The following SIGLEC11 variants were observed in gnomAD, a reference collection of about 807,000 sequenced individuals.
SIGLEC11 encodes sialic acid-binding Ig-like lectin 11.
Under a neutral mutation model 61.2 loss-of-function variants are expected in SIGLEC11, and 47 were observed. The ratio of observed to expected loss-of-function variants is 0.77; its 90% CI spans 0.61 to 0.98. The LOEUF is 0.98. Ranked by LOEUF, SIGLEC11 falls within the 50% of genes least tolerant of loss-of-function variation. The probability of loss-of-function intolerance (pLI) is 0.00; values close to 1 mark genes in which losing one functional copy is unlikely to be tolerated. For missense variants in SIGLEC11, 610 were observed against 870.3 expected (o/e 0.70, Z 3.76); for synonymous variants, 278 against 373.1 (o/e 0.75, Z 2.94).
At chr19:49,958,976 C>T (rs2076221204) in intron 6 of SIGLEC11, 54 bp downstream of exon 6, 7 of 1,613,486 alleles carry the variant, frequency 4.3e-6, no homozygotes, top group Non-Finnish European at 5.9e-6. Context: ...CTCCAGACTC[C>T]TGGGCCCCCA....
Position 49,949,230 on chromosome 19 carries a change from C to T in SIGLEC11, c.*740G>A, listed in dbSNP as rs982097692. 58 of 152,110 alleles carry T rather than the reference C, an allele frequency of 3.8e-4. No homozygotes were observed. The highest frequency in any genetic ancestry group is 1.4e-3 in the African/African-American group (56 of 41,442). The allele number at this position is 152,110 out of a possible 1,614,324, so 9.4% of individuals were successfully genotyped here. On this transcript the variant is annotated 3_prime_UTR_variant, in exon 11 of 11. Transcript: ENST00000447370. Reference sequence around the variant, plus strand: ...TCTTGAACTCCTGACTTGTGATCCACCCACTTCAGCCTCCCAAAGTGTTGA... The same window carrying T: ...TCTTGAACTCCTGACTTGTGATCCATCCACTTCAGCCTCCCAAAGTGTTGA...
At position 49,951,699 on chromosome 19, in the gene SIGLEC11, C is replaced by T. The variant is rs980357488; in HGVS notation, c.1830+192G>A. Among the ~76,000 whole-genome samples, 1 of 152,038 alleles carries T rather than the reference C, an allele frequency of 6.6e-6. No homozygotes were observed. Among genetic ancestry groups the T allele is most frequent in the Non-Finnish European group, 1.5e-5 (1 of 67,994 alleles). On this transcript the variant is annotated intron_variant, in intron 10 of 10. Coordinates refer to ENST00000447370, the MANE Select transcript of SIGLEC11 (RefSeq NM_052884.3). The surrounding 1 kb of genome is among the most constrained non-coding windows in gnomAD (Gnocchi z 4.6). ...GGACAGGCCTGGGGGGCCCTTGGTT[C>T]TGGGAGGGGATGTAGGGAGCAGTGG... is the stretch of plus-strand genomic sequence containing the variant.
At chr19:49,953,456 C>T (rs959011395) in intron 8 of SIGLEC11, among the ~76,000 whole-genome samples, 1 of 151,954 alleles carries the variant, frequency 6.6e-6, no homozygotes, top group Non-Finnish European at 1.5e-5. Flanking sequence ...TTTGCTAAGT[C>T]GATTAGGAAA....
At position 49,951,619 on chromosome 19, in the gene SIGLEC11, G is replaced by A. The variant is rs576519123; in HGVS notation, c.1830+272C>T. ...GGGCAAAGGAGTCGGGGATGCAGGA[G>A]GAAATGAGGAGTGGGAGGTGGAGGG... On this transcript the variant is annotated intron_variant, in intron 10 of 10. Transcript: ENST00000447370. The surrounding 1 kb of genome is among the most constrained non-coding windows in gnomAD (Gnocchi z 4.6). 2.0e-5 allele frequency among the ~76,000 whole-genome samples: 3 copies of A among 152,264 alleles called. No homozygotes were observed. The East Asian group carries it at 5.8e-4, about 29-fold the overall frequency.
chr19:49,952,061 G>A, intron 9 of SIGLEC11, 89 bp from the exon 10 acceptor site: 1 of 1,346,402 alleles, frequency 7.4e-7, no homozygotes, highest in Non-Finnish European at 1.0e-6. Flanking sequence ...AGGCTGGAAG[G>A]CTGCAGAGCC....
rs1019303449 is a variant in SIGLEC11, at chr19:49,955,499, G to A, written c.1651+2784C>T. Among the ~76,000 whole-genome samples the A allele has an allele frequency of 6.6e-6, 1 of 152,204 alleles. No homozygotes were observed. Among genetic ancestry groups the A allele is most frequent in the Non-Finnish European group, 1.5e-5 (1 of 68,042 alleles). On this transcript the variant is annotated intron_variant, in intron 8 of 10. Coordinates refer to ENST00000447370, the MANE Select transcript of SIGLEC11 (RefSeq NM_052884.3). This position sits in a 1 kb window ranked among gnomAD's most constrained non-coding sequence, Gnocchi z 4.5. ...AAACAGTAAAGATAGATGGCAGTGC[G>A]TGCGTGCACAGGGGCGGGGCCCACG...
In SIGLEC11 at chr19:49,951,677, C is replaced by T. The variant is rs556065467; in HGVS notation, c.1830+214G>A. On this transcript the variant is annotated intron_variant, in intron 10 of 10. Transcript: ENST00000447370. This position sits in a 1 kb window ranked among gnomAD's most constrained non-coding sequence, Gnocchi z 4.6. ...GATCTGAGCACAGGCAGAGTATGGA[C>T]AGGCCTGGGGGGCCCTTGGTTCTGG... 7.2e-4 allele frequency among the ~76,000 whole-genome samples: 110 copies of T among 152,222 alleles called. No homozygotes were observed. Among genetic ancestry groups the T allele is most frequent in the African/African-American group, 2.6e-3 (106 of 41,536 alleles).
At position 49,958,352 on chromosome 19, in the gene SIGLEC11, G is replaced by C. The variant is rs1263290424; in HGVS notation, c.1582C>G (p.Leu528Val). 1 of 1,614,234 alleles carries C rather than the reference G, an allele frequency of 6.2e-7. No individual in the cohort carries two copies. Among genetic ancestry groups the C allele is most frequent in the Non-Finnish European group, 8.5e-7 (1 of 1,180,040 alleles). ...LSLHGGLSSG[L>V]RLRCKAWNVH... is the part of the protein sequence containing the mutation. ...TTCCAGGCCTTACAGCGGAGCCTGA[G>C]GCCGGAGCTGAGCCCTCCATGGAGG... Residue 528 changes from leucine (L) to valine (V), a missense_variant, in exon 8 of 11, where the codon CTC (leucine) becomes GTC (valine). By Grantham distance (32) the Leu-to-Val change is conservative. Coordinates refer to ENST00000447370, the MANE Select transcript of SIGLEC11 (RefSeq NM_052884.3).
rs746442120 is a variant in SIGLEC11, at chr19:49,958,526, C to A, written c.1408G>T (p.Gly470Cys). 4.4e-6 allele frequency: 7 copies of A among 1,594,672 alleles called. No individual in the cohort carries two copies. Among genetic ancestry groups the A allele is most frequent in the South Asian group, 1.1e-5 (1 of 89,096 alleles). Residue 470 changes from glycine to cysteine, a missense_variant, in exon 8 of 11, where the codon GGT (glycine) becomes TGT (cysteine). This residue lies in a region of SIGLEC11 where 432 missense variants were observed against 441.5 expected (regional missense o/e 0.98). Transcript: ENST00000447370. ...LGPSCSWEAE[G>C]LHCSCSSQAS... The stretch of plus-strand genomic sequence containing the variant: ...TGGGAGGAGCAGCTGCAGTGCAGAC[C>A]CTCAGCCTCCCAGGAGCAGGAGGGG...
intron 8 of SIGLEC11, among the ~76,000 whole-genome samples, chr19:49,957,359 CA>C (rs2076203742): frequency 6.6e-6 from 1 of 150,836 alleles, no homozygotes; most frequent in South Asian, 2.1e-4. Context: ...CATTCACTCC[CA>C]AAAAAGTAAC....
At chr19:49,953,329 G>A (rs201217110) in intron 8 of SIGLEC11, among the ~76,000 whole-genome samples, 1 of 152,194 alleles carries the variant, frequency 6.6e-6, no homozygotes, top group African/African-American at 2.4e-5. Context: ...GGAAGGGGAG[G>A]CTGATCACTT....
intron 8 of SIGLEC11, among the ~76,000 whole-genome samples, chr19:49,954,006 G>A (rs146959311): frequency 2.1e-3 from 323 of 152,268 alleles, no homozygotes; most frequent in African/African-American, 7.6e-3. Flanking sequence ...AAACAATTGG[G>A]CATGTATTAA....
chr19:49,952,327 G>T lies in SIGLEC11; in HGVS notation c.1719C>A (p.Leu573=). ...AALGAGVAAL[L]AFCSCLVVFR... The stretch of plus-strand genomic sequence containing the variant: ...AGACGACAAGGCAGGAACAGAAAGC[G>T]AGCAGGGCAGCGACGCCAGCTCCCA... The change falls in exon 9 of 11, where the codon CTC becomes CTA. Residue 573 remains leucine, a synonymous_variant. Coordinates refer to ENST00000447370, the MANE Select transcript of SIGLEC11 (RefSeq NM_052884.3). 1 of 1,612,032 alleles carries T rather than the reference G, an allele frequency of 6.2e-7. No individual in the cohort carries two copies.
rs780074195 is a variant in SIGLEC11, at chr19:49,958,778, C to T, written c.1228G>A (p.Val410Met). 7.9e-5 allele frequency: 128 copies of T among 1,613,744 alleles called. 1 individual carries two copies. The highest frequency in any genetic ancestry group is 3.3e-4 in the Middle Eastern group (2 of 6,062). Residue 410 changes from valine (V) to methionine (M), a missense_variant, in exon 7 of 11, where the codon GTG (valine) becomes ATG (methionine). Physicochemically the swap from Val to Met is conservative, Grantham distance 21. This residue lies in a region of SIGLEC11 where 432 missense variants were observed against 441.5 expected (regional missense o/e 0.98). Transcript: ENST00000447370. ...GGGTCTGAGGGCTGGGAGGGGCCCA[C>T]GGTCTGTCCCCACCGGGTCCAGCTC... is the stretch of plus-strand genomic sequence containing the variant. ...RLSWTRWGQTVGPSQPSDPGV... is the reference protein window; with the variant it reads ...RLSWTRWGQTMGPSQPSDPGV...
rs966319994 is a variant in SIGLEC11 at position 49,955,700 on chromosome 19, C to T, written c.1651+2583G>A. 1.3e-5 allele frequency among the ~76,000 whole-genome samples: 2 copies of T among 151,938 alleles called. No individual in the cohort carries two copies. Among genetic ancestry groups the T allele is most frequent in the Admixed American group, 1.3e-4 (2 of 15,252 alleles). ...CTGTAATCCCAGCACTTTGGGAGGC[C>T]GAGGTGGACAGATCACAGGGTCAGG... On this transcript the variant is annotated intron_variant, in intron 8 of 10. Coordinates refer to ENST00000447370, the MANE Select transcript of SIGLEC11 (RefSeq NM_052884.3). The surrounding 1 kb of genome is among the most constrained non-coding windows in gnomAD (Gnocchi z 4.5).
intron 8 of SIGLEC11, among the ~76,000 whole-genome samples, chr19:49,953,672 C>T (rs2076175329): frequency 1.3e-5 from 2 of 150,962 alleles, no homozygotes; most frequent in Non-Finnish European, 1.5e-5. Context: ...CTGCGTATGG[C>T]TAATAGGAGC....
chr19:49,951,350 C>G lies in SIGLEC11; in HGVS notation c.1830+541G>C, dbSNP rs1194660580. On this transcript the variant is annotated intron_variant, in intron 10 of 10. Coordinates refer to ENST00000447370, the MANE Select transcript of SIGLEC11 (RefSeq NM_052884.3). This position sits in a 1 kb window ranked among gnomAD's most constrained non-coding sequence, Gnocchi z 4.6. ...TGGTATCTCCTGGACCTGCCCTGAG[C>G]ACCTCTTCCTGTCCATGATTTTCAT... is the stretch of plus-strand genomic sequence containing the variant. 6.6e-6 allele frequency among the ~76,000 whole-genome samples: 1 copy of G among 152,176 alleles called. No homozygotes were observed. The highest frequency in any genetic ancestry group is 6.5e-5 in the Admixed American group (1 of 15,280).
At position 49,958,677 on chromosome 19, in the gene SIGLEC11, G is replaced by A; in HGVS notation, c.1329C>T (p.Gly443=). 3 of 1,607,576 alleles carry A rather than the reference G, an allele frequency of 1.9e-6. No individual in the cohort carries two copies. Among genetic ancestry groups the A allele is most frequent in the East Asian group, 4.5e-5 (2 of 44,870 alleles). The change falls in exon 7 of 11, where the codon GGC becomes GGT. Residue 443 remains glycine (G), a synonymous_variant. Transcript: ENST00000447370. ...EFTCHAQHPL[G]SQHVSLSLSV... ...AGAGGCTGAGAGAGACGTGCTGGGA[G>A]CCCAGAGGGTGCTGAGCGTGGCAGG...
Position 49,958,477 on chromosome 19 carries a change from C to G in SIGLEC11, c.1457G>C (p.Arg486Pro), listed in dbSNP as rs200767146. Residue 486 changes from arginine to proline, a missense_variant, in exon 8 of 11, where the codon CGC becomes CCC. By Grantham distance (103) the Arg-to-Pro change is moderately radical (BLOSUM62 -2). Coordinates refer to ENST00000447370, the MANE Select transcript of SIGLEC11 (RefSeq NM_052884.3). Reference protein sequence around the residue: ...SSQASPAPSLRWWLGEELLEG... With the variant: ...SSQASPAPSLPWWLGEELLEG... ...CAGCAGCTCCTCCCCAAGCCACCAGCGCAGAGAGGGGGCCGGGCTGGCCTG... is the reference window on the plus strand; with the variant it reads ...CAGCAGCTCCTCCCCAAGCCACCAGGGCAGAGAGGGGGCCGGGCTGGCCTG... 5.6e-5 allele frequency: 90 copies of G among 1,612,392 alleles called. No homozygotes were observed. Among genetic ancestry groups the G allele is most frequent in the African/African-American group, 1.3e-4 (10 of 75,022 alleles).
Sources: gnomAD v4.1 joint callset for allele counts (sites outside exome capture counted in the v4.1 genomes callset) on GRCh38, gnomAD v4.1.1 for gene constraint, gnomAD v4.1.1 regional missense constraint, Gnocchi (gnomAD v3.1) non-coding constraint, MANE v1.5 for transcripts, NCBI Gene and HGNC (gene_info 2026-07-23, HGNC 2026-07-21) for gene names.